The following CNTNAP2 variants were observed in gnomAD, a reference collection of about 807,000 sequenced individuals.
The protein encoded by CNTNAP2 is contactin-associated protein-like 2.
In CNTNAP2, 98 loss-of-function variants were observed where a neutral mutation model predicts 155.2. That is an observed-to-expected ratio of 0.63 (90% CI 0.54 to 0.75). The LOEUF is 0.75. CNTNAP2 is among the 30% of genes least tolerant of loss of function. The probability of loss-of-function intolerance (pLI) is 0.00; values close to 1 mark genes in which losing one functional copy is unlikely to be tolerated. For synonymous variants in CNTNAP2, 651 were observed against 631.2 expected, an observed-to-expected ratio of 1.03 and a Z score of -0.47; for missense variants, 1,727 against 1,688.1, an observed-to-expected ratio of 1.02 and a Z score of -0.40.
intron 1 of CNTNAP2, among the ~76,000 whole-genome samples, chr7:146,643,870 C>A (rs1309132408): frequency 6.6e-6 from 1 of 151,222 alleles, no homozygotes; most frequent in Non-Finnish European, 1.5e-5. Context: ...TTGAAGAGGT[C>A]CTTCACGTCT....
intron 1 of CNTNAP2, among the ~76,000 whole-genome samples, chr7:146,130,635 C>G (rs553112626): frequency 1.3e-5 from 2 of 152,004 alleles, no homozygotes. Flanking sequence ...TCTAAATAAC[C>G]TTTATTTCAA....
Position 147,176,162 on chromosome 7 carries a change from A to G in CNTNAP2, c.1348+43653A>G, listed in dbSNP as rs116218039. On this transcript the variant is annotated intron_variant, in intron 8 of 23. Coordinates refer to ENST00000361727, the MANE Select transcript of CNTNAP2 (RefSeq NM_014141.6). ...TTCGGTTTAATGAGGACCTTTTGGA[A>G]GTTACTTGGCTCTAAGGCCAGAAAG... Among the ~76,000 whole-genome samples the G allele has an allele frequency of 7.6e-3, 1,158 of 152,306 alleles. 12 individuals are homozygous for G. The highest frequency in any genetic ancestry group is 0.026 in the African/African-American group (1,088 of 41,574).
At position 147,043,481 on chromosome 7, in the gene CNTNAP2, C is replaced by T. The variant is rs370412913; in HGVS notation, c.403-426C>T. 8.9e-4 allele frequency among the ~76,000 whole-genome samples: 135 copies of T among 152,256 alleles called. 1 individual carries two copies. Among genetic ancestry groups the T allele is most frequent in the Middle Eastern group, 6.8e-3 (2 of 294 alleles). On this transcript the variant is annotated intron_variant, in intron 3 of 23. Transcript: ENST00000361727. The stretch of plus-strand genomic sequence containing the variant: ...GTGTTCAATTGTTCTTCTTCTCTCA[C>T]TAATGTTGAAATGTTATCTTTAAAT...
At chr7:147,308,173 T>C (rs13224375) in intron 9 of CNTNAP2, among the ~76,000 whole-genome samples, 5,260 of 152,008 alleles carry the variant, frequency 0.035, 126 homozygotes, top group Non-Finnish European at 0.052. Context: ...ACACTCTTGG[T>C]AGAGGGGAAA....
At chr7:146,478,394 A>T (rs1211594148) in intron 1 of CNTNAP2, among the ~76,000 whole-genome samples, 2 of 151,954 alleles carry the variant, frequency 1.3e-5, no homozygotes, top group Non-Finnish European at 2.9e-5. Flanking sequence ...AGTGCTAATT[A>T]AGTTCTAAGC....
intron 1 of CNTNAP2, among the ~76,000 whole-genome samples, chr7:146,350,410 CA>C (rs1794895433): frequency 6.6e-6 from 1 of 151,852 alleles, no homozygotes; most frequent in African/African-American, 2.4e-5. Flanking sequence ...TTTATGCAGC[CA>C]AAAAACACAT....
chr7:147,038,007 A>C (rs1799189096), intron 3 of CNTNAP2, among the ~76,000 whole-genome samples: 1 of 152,136 alleles, frequency 6.6e-6, no homozygotes, highest in Admixed American at 6.5e-5. Context: ...GAAGTGGAAA[A>C]ATCACAATCT....
intron 13 of CNTNAP2, among the ~76,000 whole-genome samples, chr7:147,872,367 C>T (rs950697317): frequency 6.6e-6 from 1 of 152,096 alleles, no homozygotes; most frequent in Non-Finnish European, 1.5e-5. Context: ...ACTACAGAAC[C>T]GAATAGGAGA....
At chr7:147,672,323 CAA>C (rs1795800850) in intron 13 of CNTNAP2, 2 of 152,094 alleles carry the variant, frequency 1.3e-5, no homozygotes, top group Admixed American at 1.3e-4. Flanking sequence ...TTTAAAAAAG[CAA>C]AGTTATAGAA....
Position 147,551,058 on chromosome 7 carries a change from T to C in CNTNAP2, c.1778-11080T>C, listed in dbSNP as rs1240711455. On this transcript the variant is annotated intron_variant, in intron 11 of 23. Coordinates refer to ENST00000361727, the MANE Select transcript of CNTNAP2 (RefSeq NM_014141.6). ...CTATCAGGTATGGATGTAGCAAAAA[T>C]TATGATATGGTTCTTATGTGCATTA... is the stretch of plus-strand genomic sequence containing the variant. Among the ~76,000 whole-genome samples, 3 of 152,164 alleles carry C rather than the reference T, an allele frequency of 2.0e-5. No homozygotes were observed. In the East Asian group the frequency reaches 5.8e-4, roughly 29 times the overall value.
intron 13 of CNTNAP2, among the ~76,000 whole-genome samples, chr7:147,853,156 C>T (rs1798979269): frequency 6.6e-6 from 1 of 152,172 alleles, no homozygotes; most frequent in Non-Finnish European, 1.5e-5. Context: ...CTAAGTAGCA[C>T]CACCACTATC....
At chr7:147,121,295 A>G (rs1409553683) in intron 6 of CNTNAP2, 132 bp downstream of exon 6, 1 of 847,420 alleles carries the variant, frequency 1.2e-6, no homozygotes, top group Admixed American at 2.7e-5. Context: ...GACACTGACA[A>G]TTTTAAAAAC....
intron 4 of CNTNAP2, among the ~76,000 whole-genome samples, chr7:147,090,499 TG>T (rs1800379571): frequency 6.6e-6 from 1 of 152,288 alleles, no homozygotes; most frequent in African/African-American, 2.4e-5. Context: ...TTATTCTTAC[TG>T]GTCCCAGGTA....
chr7:148,309,596 G>A (rs571368399), intron 21 of CNTNAP2, among the ~76,000 whole-genome samples: 29 of 152,150 alleles, frequency 1.9e-4, no homozygotes, highest in African/African-American at 5.3e-4. Flanking sequence ...GGGGTTATTC[G>A]CTGGTGGCAG....
intron 1 of CNTNAP2, among the ~76,000 whole-genome samples, chr7:146,328,748 C>A (rs1034732137): frequency 1.3e-5 from 2 of 152,180 alleles, no homozygotes; most frequent in African/African-American, 2.4e-5. Flanking sequence ...AAGAATTTAA[C>A]TTTTGCTTTA....
intron 13 of CNTNAP2, among the ~76,000 whole-genome samples, chr7:147,899,766 T>C (rs907972299): frequency 2.6e-4 from 40 of 151,978 alleles, no homozygotes; most frequent in African/African-American, 8.9e-4. Flanking sequence ...ATGCCTGTAA[T>C]CCCAGCTACT....
chr7:148,269,388 T>C (rs1469055630), intron 21 of CNTNAP2, among the ~76,000 whole-genome samples: 1 of 152,240 alleles, frequency 6.6e-6, no homozygotes, highest in Non-Finnish European at 1.5e-5. Context: ...TCCAACACTT[T>C]CTATAGTTGA....
At chr7:146,891,142 G>T (rs960494866) in intron 3 of CNTNAP2, among the ~76,000 whole-genome samples, 2 of 152,124 alleles carry the variant, frequency 1.3e-5, no homozygotes. Flanking sequence ...ATTAATGCTG[G>T]AACAGAAAAC....
At chr7:148,031,278 A>G (rs1461303044) in intron 15 of CNTNAP2, among the ~76,000 whole-genome samples, 1 of 152,204 alleles carries the variant, frequency 6.6e-6, no homozygotes, top group Non-Finnish European at 1.5e-5. Flanking sequence ...AGGGCAGAGT[A>G]AGAATTTACA....
Sources: gnomAD v4.1 joint callset for allele counts (sites outside exome capture counted in the v4.1 genomes callset) on GRCh38, gnomAD v4.1.1 for gene constraint, MANE v1.5 for transcripts, NCBI Gene and HGNC (gene_info 2026-07-23, HGNC 2026-07-21) for gene names.